CORO6: variants seen among roughly 807,000 people sequenced by gnomAD.
CORO6 encodes the protein coronin 6.
CORO6 carries 43 observed loss-of-function variants against 49.0 expected under a neutral mutation model. The observed-to-expected ratio is 0.88, with a 90% confidence interval of 0.69 to 1.13. CORO6 has a LOEUF of 1.13. CORO6 is among the 50% of genes most tolerant of loss of function. The pLI is 0.00. For synonymous variants in CORO6, 233 were observed against 256.5 expected (o/e 0.91, Z 0.88); for missense variants, 650 against 647.0 (o/e 1.00, Z -0.05).
At chr17:29,620,214 A>G (rs922469516) in intron 2 of CORO6, among the ~76,000 whole-genome samples, 1 of 152,154 alleles carries the variant, frequency 6.6e-6, no homozygotes, top group African/African-American at 2.4e-5. Flanking sequence ...CTTGTGAACC[A>G]CTTTTACCTT....
In CORO6 at chr17:29,621,242, G is replaced by A. The variant is rs771730733; in HGVS notation, c.180C>T (p.Ile60=). 14 of 1,613,962 alleles carry A rather than the reference G, an allele frequency of 8.7e-6. No individual in the cohort carries two copies. The highest frequency in any genetic ancestry group is 1.3e-5 in the African/African-American group (1 of 74,918). Residue 60 remains isoleucine (I), a synonymous_variant, in exon 2 of 11, where the codon ATC becomes ATT. Coordinates refer to ENST00000388767, the MANE Select transcript of CORO6 (RefSeq NM_032854.4). This position sits in a 1 kb window ranked among gnomAD's most constrained non-coding sequence, Gnocchi z 4.2. ...CCCTCACCTTGGCCAGAGGCAGGAC[G>A]ATGAAGGCACCCCCGCCTCCAGCCT... ...IVEAGGGGAF[I]VLPLAKTGRV... is the part of the protein sequence containing the mutation.
rs2034988669 is a variant in CORO6 at position 29,617,008 on chromosome 17, A to G, written c.788T>C (p.Met263Thr). ...CAATAGGACCCCGTTGCTTGTGTCC[A>G]TCTCCTGCAGTGCCACTGGCTCCTC... is the stretch of plus-strand genomic sequence containing the variant. ...NFEEPVALQE[M>T]DTSNGVLLPF... Residue 263 changes from methionine (M) to threonine (T), a missense_variant, in exon 7 of 11, where the codon ATG (methionine) becomes ACG (threonine). By Grantham distance (81) the Met-to-Thr change is moderately conservative (BLOSUM62 -1). Coordinates refer to ENST00000388767, the MANE Select transcript of CORO6 (RefSeq NM_032854.4). 8 of 1,613,714 alleles carry G rather than the reference A, an allele frequency of 5.0e-6. No homozygotes were observed. Among genetic ancestry groups the G allele is most frequent in the Non-Finnish European group, 6.8e-6 (8 of 1,180,020 alleles).
chr17:29,616,995 G>A lies in CORO6; in HGVS notation c.801C>T (p.Asn267=). Reference sequence around the variant, plus strand: ...GATCGTAAAAGGGCAATAGGACCCCGTTGCTTGTGTCCATCTCCTGCAGTG... The same window carrying A: ...GATCGTAAAAGGGCAATAGGACCCCATTGCTTGTGTCCATCTCCTGCAGTG... ...PVALQEMDTS[N]GVLLPFYDPD... is the part of the protein sequence containing the mutation. The change falls in exon 7 of 11, where the codon AAC becomes AAT. Residue 267 remains asparagine (N), a synonymous_variant. Transcript: ENST00000388767. This position sits in a 1 kb window ranked among gnomAD's most constrained non-coding sequence, Gnocchi z 5.6. 6.2e-7 allele frequency: 1 copy of A among 1,613,764 alleles called. No homozygotes were observed. The highest frequency in any genetic ancestry group is 8.5e-7 in the Non-Finnish European group (1 of 1,180,024).
Position 29,618,907 on chromosome 17 carries a change from A to T in CORO6, c.516T>A (p.Asp172Glu). The part of the protein sequence containing the change: ...GTGEVLLSLD[D>E]MHPDVIHSVC... The stretch of plus-strand genomic sequence containing the variant: ...CACTGTGGATGACGTCTGGGTGCAT[A>T]TCATCCAGGCTCAGCAGCACCTCCC... Residue 172 changes from aspartate (D) to glutamate (E), a missense_variant, in exon 5 of 11, where the codon GAT (aspartate) becomes GAA (glutamate). Transcript: ENST00000388767. 1.2e-6 allele frequency: 2 copies of T among 1,613,872 alleles called. No individual in the cohort carries two copies. The highest frequency in any genetic ancestry group is 2.2e-5 in the East Asian group (1 of 44,860).
At position 29,622,768 on chromosome 17, in the gene CORO6, G is replaced by C. The variant is rs1000990246; in HGVS notation, c.-144C>G. 1.1e-5 allele frequency: 14 copies of C among 1,322,624 alleles called. No homozygotes were observed. In the Admixed American group the frequency reaches 1.1e-4, roughly 10 times the overall value. 81.9% of individuals were successfully genotyped at this position (1,322,624 alleles called of 1,614,324 possible). On this transcript the variant is annotated 5_prime_UTR_variant, in exon 1 of 11. Coordinates refer to ENST00000388767, the MANE Select transcript of CORO6 (RefSeq NM_032854.4). The stretch of plus-strand genomic sequence containing the variant: ...CCGAGTGCGTAGGGGGCCGAGGAAG[G>C]CTTCAGGGCGAAGGAGCCACCTCTC...
At chr17:29,619,019 C>G in intron 4 of CORO6, 41 bp downstream of exon 4, 1 of 1,611,956 alleles carries the variant, frequency 6.2e-7, no homozygotes, top group South Asian at 1.1e-5. Context: ...CCTTTGCCAC[C>G]ACCCACCCAT....
chr17:29,619,524 G>A, intron 3 of CORO6, 127 bp downstream of exon 3: 3 of 916,178 alleles, frequency 3.3e-6, no homozygotes, highest in Non-Finnish European at 5.1e-6. Flanking sequence ...TCCAGGAGCT[G>A]GGCAGGGCAG....
intron 2 of CORO6, among the ~76,000 whole-genome samples, chr17:29,620,859 G>A (rs2035271162): frequency 6.6e-6 from 1 of 152,142 alleles, no homozygotes; most frequent in African/African-American, 2.4e-5. Context: ...TAGGGAGGAG[G>A]TTCTCCACAC....
intron 2 of CORO6, among the ~76,000 whole-genome samples, chr17:29,620,548 G>T (rs2035256784): frequency 6.6e-6 from 1 of 152,188 alleles, no homozygotes; most frequent in Admixed American, 6.5e-5. Flanking sequence ...CTAACAAGGT[G>T]TAGGGGCCAG....
rs772136445 is a variant in CORO6, at chr17:29,615,803, C to G, written c.1348G>C (p.Val450Leu). The G allele has an allele frequency of 3.2e-6, 5 of 1,568,604 alleles. No individual in the cohort carries two copies. Among genetic ancestry groups the G allele is most frequent in the Non-Finnish European group, 4.3e-6 (5 of 1,157,808 alleles). The change falls in exon 11 of 11, where the codon GTG becomes CTG. Residue 450 changes from valine to leucine, a missense_variant. Val to Leu is a conservative substitution (Grantham distance 32). Coordinates refer to ENST00000388767, the MANE Select transcript of CORO6 (RefSeq NM_032854.4). ...LEEIKALRER[V>L]QAQEQRITAL... is the part of the protein sequence containing the mutation. ...GTGATGCGCTGCTCCTGGGCCTGCACCCGCTCGCGGAGGGCCTTGATCTCT... is the reference window on the plus strand; with the variant it reads ...GTGATGCGCTGCTCCTGGGCCTGCAGCCGCTCGCGGAGGGCCTTGATCTCT...
chr17:29,618,989 GCATGGTCACCTGGGTCCCACCTTTGC>G lies in CORO6; in HGVS notation c.452-44_452-19del, dbSNP rs2035160186. 2 of 1,612,980 alleles carry G rather than the reference GCATGGTCACCTGGGTCCCACCTTTGC, an allele frequency of 1.2e-6. No individual in the cohort carries two copies. The highest frequency in any genetic ancestry group is 1.7e-6 in the Non-Finnish European group (2 of 1,179,566). On this transcript the variant is annotated intron_variant, in intron 4 of 10. Transcript: ENST00000388767. Reference sequence around the variant, plus strand: ...GTCACCACCTGCCCAGAGTGGCCAGGCATGGTCACCTGGGTCCCACCTTTGCCACCACCCACCCATCTATGGGGGAC... The same window carrying G: ...GTCACCACCTGCCCAGAGTGGCCAGGCACCACCCACCCATCTATGGGGGAC...
At position 29,615,717 on chromosome 17, in the gene CORO6, G is replaced by A; in HGVS notation, c.*15C>T. The A allele has an allele frequency of 6.7e-7, 1 of 1,491,398 alleles. No individual in the cohort carries two copies. The highest frequency in any genetic ancestry group is 8.9e-7 in the Non-Finnish European group (1 of 1,123,990). 92.4% of individuals were successfully genotyped at this position (1,491,398 alleles called of 1,614,324 possible). A position where few individuals can be genotyped will look rare whatever the true frequency, so the allele number is the denominator to read the frequency against. On this transcript the variant is annotated 3_prime_UTR_variant, in exon 11 of 11. Transcript: ENST00000388767. Reference sequence around the variant, plus strand: ...TTGTGCGCCCCGCCCCGCTCCGCCTGCCTGGCGCGCGGGGCTAGTCCGTGC... The same window carrying A: ...TTGTGCGCCCCGCCCCGCTCCGCCTACCTGGCGCGCGGGGCTAGTCCGTGC...
In CORO6 at chr17:29,616,052, C is replaced by G. The variant is rs370360290; in HGVS notation, c.1186G>C (p.Val396Leu). The change falls in exon 10 of 11, where the codon GTG (valine) becomes CTG (leucine). Residue 396 changes from valine (V) to leucine (L), a missense_variant. By Grantham distance (32) the Val-to-Leu change is conservative (BLOSUM62 1). Transcript: ENST00000388767. The surrounding 1 kb of genome is among the most constrained non-coding windows in gnomAD (Gnocchi z 5.6). ...PVLISLRDGY[V>L]PPKHRELRVT... is the part of the protein sequence containing the mutation. ...CGGAGCTCGCGGTGCTTGGGGGGCACATAGCCGTCCCTCAGCGAAATGAGC... is the reference window on the plus strand; with the variant it reads ...CGGAGCTCGCGGTGCTTGGGGGGCAGATAGCCGTCCCTCAGCGAAATGAGC... 20 of 1,612,302 alleles carry G rather than the reference C, an allele frequency of 1.2e-5. No individual in the cohort carries two copies. The highest frequency in any genetic ancestry group is 1.5e-5 in the Non-Finnish European group (18 of 1,179,832).
chr17:29,616,038 G>A lies in CORO6; in HGVS notation c.1200C>T (p.His400=). 6.2e-7 allele frequency: 1 copy of A among 1,611,142 alleles called. No individual in the cohort carries two copies. Among genetic ancestry groups the A allele is most frequent in the Middle Eastern group, 1.7e-4 (1 of 6,032 alleles). Reference sequence around the variant, plus strand: ...TGCGCTTCGTGACCCGGAGCTCGCGGTGCTTGGGGGGCACATAGCCGTCCC... The same window carrying A: ...TGCGCTTCGTGACCCGGAGCTCGCGATGCTTGGGGGGCACATAGCCGTCCC... ...SLRDGYVPPK[H]RELRVTKRNI... is the part of the protein sequence containing the mutation. The change falls in exon 10 of 11, where the codon CAC becomes CAT. Residue 400 remains histidine (H), a synonymous_variant. Transcript: ENST00000388767. The surrounding 1 kb of genome is among the most constrained non-coding windows in gnomAD (Gnocchi z 5.6).
chr17:29,618,703 A>C lies in CORO6; in HGVS notation c.633+87T>G, dbSNP rs941856774. The C allele has an allele frequency of 7.6e-4, 1,141 of 1,494,384 alleles. 2 individuals are homozygous for C. Among genetic ancestry groups the C allele is most frequent in the Non-Finnish European group, 8.8e-4 (982 of 1,114,628 alleles). 92.6% of individuals were successfully genotyped at this position (1,494,384 alleles called of 1,614,324 possible). A position where few individuals can be genotyped will look rare whatever the true frequency, so the allele number is the denominator to read the frequency against. On this transcript the variant is annotated intron_variant, in intron 5 of 10. Transcript: ENST00000388767. Reference sequence around the variant, plus strand: ...GATGCGACAGGTGAAAGCCGGGACCAGGGGCTCTGATAATGGTGGGTACAA... The same window carrying C: ...GATGCGACAGGTGAAAGCCGGGACCCGGGGCTCTGATAATGGTGGGTACAA...
chr17:29,617,443 C>T, intron 6 of CORO6, 57 bp downstream of exon 6: 1 of 1,563,306 alleles, frequency 6.4e-7, no homozygotes, highest in South Asian at 1.2e-5. Flanking sequence ...GGCGCCTGGC[C>T]ACTCTCCCGT....
Position 29,621,297 on chromosome 17 carries a change from A to G in CORO6, c.125T>C (p.Val42Ala), listed in dbSNP as rs1274324167. Reference sequence around the variant, plus strand: ...AATAATGGCCAGGAATTTGGGGTTGACGGCACAGAAGGAGCTGTCCCATGT... The same window carrying G: ...AATAATGGCCAGGAATTTGGGGTTGGCGGCACAGAAGGAGCTGTCCCATGT... ...KVTWDSSFCA[V>A]NPKFLAIIVE... Residue 42 changes from valine (V) to alanine (A), a missense_variant, in exon 2 of 11, where the codon GTC (valine) becomes GCC (alanine). Physicochemically the swap from Val to Ala is moderately conservative, Grantham distance 64. Transcript: ENST00000388767. This position sits in a 1 kb window ranked among gnomAD's most constrained non-coding sequence, Gnocchi z 4.2. 2 of 1,614,158 alleles carry G rather than the reference A, an allele frequency of 1.2e-6. No individual in the cohort carries two copies. Among genetic ancestry groups the G allele is most frequent in the Admixed American group, 1.7e-5 (1 of 60,028 alleles).
intron 6 of CORO6, 32 bp downstream of exon 6, chr17:29,617,468 A>C (rs995078141): frequency 6.3e-7 from 1 of 1,588,538 alleles, no homozygotes; most frequent in African/African-American, 1.3e-5. Flanking sequence ...CCAGTCCCCG[A>C]GGCACACACC....
Position 29,621,093 on chromosome 17 carries a change from A to C in CORO6, c.198+131T>G. On this transcript the variant is annotated intron_variant, in intron 2 of 10. Transcript: ENST00000388767. The surrounding 1 kb of genome is among the most constrained non-coding windows in gnomAD (Gnocchi z 4.2). ...CCTCTGGTCCTTGAGGGCTTGGGGA[A>C]TAGGGAGGAGCCAATCCACACAGAT... 3.3e-6 allele frequency: 4 copies of C among 1,211,744 alleles called. No homozygotes were observed. The highest frequency in any genetic ancestry group is 2.6e-5 in the East Asian group (1 of 38,982). 75.1% of individuals were successfully genotyped at this position (1,211,744 alleles called of 1,614,324 possible). A position where few individuals can be genotyped will look rare whatever the true frequency, so the allele number is the denominator to read the frequency against.
Sources: gnomAD v4.1 joint callset for allele counts (sites outside exome capture counted in the v4.1 genomes callset) on GRCh38, gnomAD v4.1.1 for gene constraint, Gnocchi (gnomAD v3.1) non-coding constraint, MANE v1.5 for transcripts, NCBI Gene and HGNC (gene_info 2026-07-23, HGNC 2026-07-21) for gene names.